SLC4A4: variants seen among roughly 807,000 people sequenced by gnomAD.
SLC4A4 encodes electrogenic sodium bicarbonate cotransporter 1.
In SLC4A4, 27 loss-of-function variants were observed where a neutral mutation model predicts 111.5. The ratio of observed to expected loss-of-function variants is 0.24; its 90% CI spans 0.18 to 0.33. The LOEUF is 0.33. Ranked by LOEUF, SLC4A4 falls within the 10% of genes least tolerant of loss-of-function variation. The pLI, the probability that SLC4A4 is intolerant of heterozygous loss-of-function variation, is 1.00. For missense variants in SLC4A4, 909 were observed against 1,315.5 expected (o/e 0.69, Z 4.78); for synonymous variants, 443 against 463.4 (o/e 0.96, Z 0.57).
intron 2 of SLC4A4, among the ~76,000 whole-genome samples, chr4:71,103,527 C>T (rs1253945547): frequency 6.6e-6 from 1 of 152,044 alleles, no homozygotes; most frequent in African/African-American, 2.4e-5. Flanking sequence ...GGAAGTAAAG[C>T]TCTCCTCAGC....
chr4:71,187,090 C>G (rs1745484101), upstream of SLC4A4: 1 of 152,172 alleles, frequency 6.6e-6, no homozygotes, highest in Non-Finnish European at 1.5e-5. Context: ...GCGCTCGCCT[C>G]TCTCCGGAGC....
At chr4:71,353,330 C>G (rs1028084603) in intron 5 of SLC4A4, among the ~76,000 whole-genome samples, 2 of 152,182 alleles carry the variant, frequency 1.3e-5, no homozygotes, top group African/African-American at 4.8e-5. Flanking sequence ...AGTCAGAGAG[C>G]CAGTGCTGTC....
At chr4:71,117,206 T>C (rs1357085809) in intron 2 of SLC4A4, among the ~76,000 whole-genome samples, 1 of 152,116 alleles carries the variant, frequency 6.6e-6, no homozygotes, top group Admixed American at 6.6e-5. Context: ...GATCTCGAAA[T>C]CCAGGCTGAA....
At chr4:71,082,966 G>A (rs1460082450) in intron 1 of SLC4A4, among the ~76,000 whole-genome samples, 2 of 151,562 alleles carry the variant, frequency 1.3e-5, no homozygotes, top group East Asian at 3.9e-4. Context: ...GAGTTCTTGT[G>A]CCTCAGCCTC....
At chr4:71,275,548 A>T (rs1723007863) in intron 3 of SLC4A4, among the ~76,000 whole-genome samples, 1 of 152,218 alleles carries the variant, frequency 6.6e-6, no homozygotes, top group African/African-American at 2.4e-5. Context: ...TCAAGGTAGT[A>T]AGGTTTTCCT....
intron 7 of SLC4A4, among the ~76,000 whole-genome samples, chr4:71,412,097 A>G (rs1307237709): frequency 6.6e-6 from 1 of 152,230 alleles, no homozygotes; most frequent in Non-Finnish European, 1.5e-5. Context: ...AAGTAATATA[A>G]TTAAGATGGA....
Position 71,561,544 on chromosome 4 carries a change from C to T in SLC4A4, c.3099+1290C>T, listed in dbSNP as rs188974860. Among the ~76,000 whole-genome samples, 3 of 151,754 alleles carry T rather than the reference C, an allele frequency of 2.0e-5. No individual in the cohort carries two copies. In the East Asian group the frequency reaches 5.9e-4, roughly 30 times the overall value. On this transcript the variant is annotated intron_variant, in intron 23 of 25. Transcript: ENST00000264485. ...AGGCAAGAGACAGAATTGGATTTCACATAAATTGATTCAATAAGAAAAAGG... is the reference window on the plus strand; with the variant it reads ...AGGCAAGAGACAGAATTGGATTTCATATAAATTGATTCAATAAGAAAAAGG...
At chr4:71,159,445 C>G (rs1744564163) in intron 2 of SLC4A4, among the ~76,000 whole-genome samples, 1 of 152,108 alleles carries the variant, frequency 6.6e-6, no homozygotes, top group South Asian at 2.1e-4. Flanking sequence ...GTGATCTTGG[C>G]TCACTGCAAC....
chr4:71,555,118 G>A, intron 20 of SLC4A4, 22 bp from the exon 21 acceptor site: 1 of 1,526,662 alleles, frequency 6.6e-7, no homozygotes, highest in Non-Finnish European at 9.1e-7. Context: ...TTTTTAAGTT[G>A]TATCCATTTT....
At chr4:71,231,832 C>G (rs1049503321) in intron 1 of SLC4A4, among the ~76,000 whole-genome samples, 2 of 152,136 alleles carry the variant, frequency 1.3e-5, no homozygotes, top group African/African-American at 4.8e-5. Flanking sequence ...TAATTTCTTC[C>G]TATTGATAGA....
intron 20 of SLC4A4, among the ~76,000 whole-genome samples, chr4:71,554,073 A>G (rs1736264026): frequency 6.6e-6 from 1 of 151,884 alleles, no homozygotes; most frequent in South Asian, 2.1e-4. Context: ...TCATTCTCTA[A>G]TAGTGGCCAA....
At chr4:71,421,995 A>G (rs1722560077) in intron 7 of SLC4A4, among the ~76,000 whole-genome samples, 1 of 152,158 alleles carries the variant, frequency 6.6e-6, no homozygotes, top group East Asian at 1.9e-4. Flanking sequence ...TCAGAGCAGA[A>G]CGGAAGGAAA....
intron 3 of SLC4A4, among the ~76,000 whole-genome samples, chr4:71,267,628 T>A (rs772941086): frequency 1.3e-5 from 2 of 151,954 alleles, no homozygotes; most frequent in Non-Finnish European, 2.9e-5. Flanking sequence ...ACCCCATCTC[T>A]ACTAAAAATA....
chr4:71,413,175 G>T (rs563170872), intron 7 of SLC4A4, among the ~76,000 whole-genome samples: 1 of 151,980 alleles, frequency 6.6e-6, no homozygotes, highest in African/African-American at 2.4e-5. Flanking sequence ...TCCGTGAAGG[G>T]TACATTAAAA....
At chr4:71,300,986 G>T in intron 3 of SLC4A4, 1 of 477,468 alleles carries the variant, frequency 2.1e-6, no homozygotes, top group Non-Finnish European at 4.3e-6. Flanking sequence ...GAGCAGCTTA[G>T]TGCCAGAGTG....
intron 12 of SLC4A4, among the ~76,000 whole-genome samples, chr4:71,455,140 T>C (rs951184799): frequency 1.2e-4 from 18 of 152,316 alleles, no homozygotes; most frequent in Middle Eastern, 6.8e-3. Flanking sequence ...TTTCTGATCT[T>C]CAAAGAGAGG....
intron 2 of SLC4A4, among the ~76,000 whole-genome samples, chr4:71,115,021 T>C: frequency 7.1e-6 from 1 of 139,984 alleles, no homozygotes; most frequent in Non-Finnish European, 1.5e-5. Context: ...AAATGATGAG[T>C]TCATGTCCTT....
At chr4:71,205,200 C>T (rs1300046931) in intron 1 of SLC4A4, among the ~76,000 whole-genome samples, 1 of 152,158 alleles carries the variant, frequency 6.6e-6, no homozygotes, top group Admixed American at 6.5e-5. Context: ...AGAAGGCTCC[C>T]CATCCCTCAG....
chr4:71,399,366 G>A (rs561206576), intron 7 of SLC4A4, among the ~76,000 whole-genome samples: 1 of 152,018 alleles, frequency 6.6e-6, no homozygotes, highest in South Asian at 2.1e-4. Context: ...AGTCATAGAG[G>A]TTTATAGGCC....
Sources: allele counts gnomAD v4.1 joint callset (sites outside exome capture counted in the v4.1 genomes callset), GRCh38; gene constraint gnomAD v4.1.1; transcripts MANE v1.5; gene names NCBI Gene and HGNC (gene_info 2026-07-23, HGNC 2026-07-21).